CPNE8: variants seen among roughly 807,000 people sequenced by gnomAD.
CPNE8 encodes copine-8.
Under a neutral mutation model 81.5 loss-of-function variants are expected in CPNE8, and 45 were observed. The ratio of observed to expected loss-of-function variants is 0.55; its 90% CI spans 0.44 to 0.71. CPNE8 has a LOEUF of 0.71. CPNE8 is among the 30% of genes least tolerant of loss of function. The pLI, the probability that CPNE8 is intolerant of heterozygous loss-of-function variation, is 0.00. For missense variants in CPNE8, 594 were observed against 672.1 expected (o/e 0.88, Z 1.28); for synonymous variants, 252 against 226.3 (o/e 1.11, Z -1.02).
chr12:38,725,674 A>C (rs1465646537), intron 11 of CPNE8, among the ~76,000 whole-genome samples: 1 of 152,232 alleles, frequency 6.6e-6, no homozygotes, highest in Non-Finnish European at 1.5e-5. Flanking sequence ...TAAGGCTTCA[A>C]TTTAAAATAA....
intron 14 of CPNE8, among the ~76,000 whole-genome samples, chr12:38,700,850 G>T (rs1939924597): frequency 6.6e-6 from 1 of 152,090 alleles, no homozygotes; most frequent in Non-Finnish European, 1.5e-5. Context: ...CCTTGCAAAT[G>T]CTCTCTTGCC....
At chr12:38,715,117 T>C (rs1940354482) in intron 13 of CPNE8, among the ~76,000 whole-genome samples, 1 of 152,238 alleles carries the variant, frequency 6.6e-6, no homozygotes, top group Middle Eastern at 3.4e-3. Flanking sequence ...AAATTTTAAA[T>C]TGCAATTCAA....
intron 10 of CPNE8, among the ~76,000 whole-genome samples, chr12:38,758,492 A>G (rs548739903): frequency 6.6e-6 from 1 of 152,266 alleles, no homozygotes; most frequent in East Asian, 1.9e-4. Flanking sequence ...AGGAATTACG[A>G]TTACAATGCT....
chr12:38,862,026 C>T (rs1943843675), intron 3 of CPNE8, among the ~76,000 whole-genome samples: 1 of 152,020 alleles, frequency 6.6e-6, no homozygotes, highest in South Asian at 2.1e-4. Context: ...GTACTAATAT[C>T]ACAAAAGAGT....
chr12:38,730,803 T>A (rs1940813521), intron 10 of CPNE8, among the ~76,000 whole-genome samples: 1 of 151,726 alleles, frequency 6.6e-6, no homozygotes, highest in Non-Finnish European at 1.5e-5. Flanking sequence ...TGTAATAGGA[T>A]GCTATTTTAA....
chr12:38,730,256 A>C (rs982198809), intron 11 of CPNE8, 27 bp downstream of exon 11: 8 of 1,356,034 alleles, frequency 5.9e-6, no homozygotes, highest in Non-Finnish European at 5.3e-6. Context: ...CTAGAAAAAA[A>C]CAATGGTAAA....
chr12:38,803,633 A>G (rs1044270012), intron 6 of CPNE8, among the ~76,000 whole-genome samples: 1 of 146,444 alleles, frequency 6.8e-6, no homozygotes, highest in African/African-American at 2.5e-5. Context: ...CTCCTATTCA[A>G]CATAGTGTTG....
chr12:38,655,194 T>G (rs1278406766), intron 19 of CPNE8, among the ~76,000 whole-genome samples: 1 of 152,168 alleles, frequency 6.6e-6, no homozygotes, highest in Non-Finnish European at 1.5e-5. Flanking sequence ...GCACCACCCT[T>G]AATAAAAATG....
At chr12:38,741,320 G>T (rs1292823940) in intron 10 of CPNE8, among the ~76,000 whole-genome samples, 3 of 152,090 alleles carry the variant, frequency 2.0e-5, no homozygotes, top group South Asian at 2.1e-4. Flanking sequence ...CATGGTATTG[G>T]TACCAAAACA....
intron 12 of CPNE8, 76 bp downstream of exon 12, chr12:38,724,770 G>T (rs1940653431): frequency 1.0e-6 from 1 of 983,872 alleles, no homozygotes; most frequent in Non-Finnish European, 1.5e-6. Context: ...GCTTCCAGTA[G>T]GATTAAAGAT....
intron 6 of CPNE8, among the ~76,000 whole-genome samples, chr12:38,799,709 A>C (rs1942606303): frequency 6.6e-6 from 1 of 151,562 alleles, no homozygotes; most frequent in Admixed American, 6.6e-5. Context: ...TGAGCGACGC[A>C]GAAGACGGGT....
intron 13 of CPNE8, among the ~76,000 whole-genome samples, chr12:38,712,725 C>T (rs1399554972): frequency 6.6e-6 from 1 of 152,046 alleles, no homozygotes; most frequent in Non-Finnish European, 1.5e-5. Flanking sequence ...AAATTTTTTT[C>T]AAACAAGTTT....
chr12:38,666,217 A>G (rs556188178), intron 19 of CPNE8, among the ~76,000 whole-genome samples: 38 of 152,344 alleles, frequency 2.5e-4, no homozygotes, highest in Non-Finnish European at 5.9e-5. Context: ...TCAGTAATAC[A>G]AAAAGGGTAA....
In CPNE8 at chr12:38,757,153, TAAG is replaced by T. The variant is rs1447781131; in HGVS notation, c.722+3691_722+3693del. 4.6e-5 allele frequency among the ~76,000 whole-genome samples: 7 copies of T among 152,214 alleles called. No individual in the cohort carries two copies. In the Middle Eastern group the frequency reaches 0.017, roughly 375 times the overall value. Reference sequence around the variant, plus strand: ...CCACTGAGCAAATAATGTTTTTTAATAAGAAGAATTAAAAGTTCTGGATCAACA... The same window carrying T: ...CCACTGAGCAAATAATGTTTTTTAATAAGAATTAAAAGTTCTGGATCAACA... On this transcript the variant is annotated intron_variant, in intron 10 of 19. Coordinates refer to ENST00000331366, the MANE Select transcript of CPNE8 (RefSeq NM_153634.3).
At chr12:38,779,919 T>TA (rs1942010661) in intron 6 of CPNE8, among the ~76,000 whole-genome samples, 1 of 152,074 alleles carries the variant, frequency 6.6e-6, no homozygotes, top group Non-Finnish European at 1.5e-5. Flanking sequence ...CAAAGGATTA[T>TA]AAAAAATAAG....
At chr12:38,839,856 T>G (rs2137041209) in intron 5 of CPNE8, 60 bp downstream of exon 5, 1 of 1,375,358 alleles carries the variant, frequency 7.3e-7, no homozygotes, top group African/African-American at 1.5e-5. Context: ...TATTAATAAG[T>G]CAGCATAAGT....
At chr12:38,711,751 G>T (rs1940264186) in intron 13 of CPNE8, among the ~76,000 whole-genome samples, 1 of 152,174 alleles carries the variant, frequency 6.6e-6, no homozygotes, top group African/African-American at 2.4e-5. Context: ...TTACAGGCAT[G>T]ACCCACTACG....
At chr12:38,905,829 G>C (rs550413535), upstream of CPNE8, 54 of 985,334 alleles carry the variant, frequency 5.5e-5, 1 homozygote, top group South Asian at 2.1e-3. Context: ...CACACTCCGT[G>C]ATCCCCTCCT....
At chr12:38,813,520 T>C (rs1942971212) in intron 6 of CPNE8, among the ~76,000 whole-genome samples, 1 of 152,232 alleles carries the variant, frequency 6.6e-6, no homozygotes, top group African/African-American at 2.4e-5. Context: ...TTATTCAATT[T>C]GAGATTTCTT....
Sources: gnomAD v4.1 joint callset for allele counts (sites outside exome capture counted in the v4.1 genomes callset) on GRCh38, gnomAD v4.1.1 for gene constraint, MANE v1.5 for transcripts, NCBI Gene and HGNC (gene_info 2026-07-23, HGNC 2026-07-21) for gene names.